The following PHLDB2 variants were observed in gnomAD, a reference collection of about 807,000 sequenced individuals.
The protein encoded by PHLDB2 is pleckstrin homology-like domain family B member 2.
A neutral mutation model predicts 123.6 loss-of-function variants in PHLDB2; 71 were observed. That is an observed-to-expected ratio of 0.57 (90% CI 0.47 to 0.70). The LOEUF (loss-of-function observed/expected upper bound fraction) is 0.70. Among genes scored for constraint, PHLDB2 ranks in the 30% least tolerant of loss-of-function variants. The probability of loss-of-function intolerance (pLI) is 0.00; values close to 1 mark genes in which losing one functional copy is unlikely to be tolerated. For missense variants in PHLDB2, 1,446 were observed against 1,519.5 expected (o/e 0.95, Z 0.80); for synonymous variants, 547 against 541.6 (o/e 1.01, Z -0.14).
At chr3:111,950,599 G>A (rs1362018135) in intron 10 of PHLDB2, among the ~76,000 whole-genome samples, 1 of 151,638 alleles carries the variant, frequency 6.6e-6, no homozygotes, top group East Asian at 1.9e-4. Context: ...TGATGCTTGG[G>A]TATTCAAAAA....
intron 1 of PHLDB2, among the ~76,000 whole-genome samples, chr3:111,799,136 A>AC (rs1200130395): frequency 6.6e-6 from 1 of 152,084 alleles, no homozygotes; most frequent in Non-Finnish European, 1.5e-5. Flanking sequence ...GGGGGAAACC[A>AC]CCCCCGTGAT....
chr3:111,780,187 G>T (rs1181092035), intron 1 of PHLDB2, among the ~76,000 whole-genome samples: 1 of 149,972 alleles, frequency 6.7e-6, no homozygotes, highest in Non-Finnish European at 1.5e-5. Context: ...TAAAGAGAAG[G>T]TTCGGCAATA....
chr3:111,791,055 T>C (rs189559061), intron 1 of PHLDB2, among the ~76,000 whole-genome samples: 1 of 152,360 alleles, frequency 6.6e-6, no homozygotes, highest in African/African-American at 2.4e-5. Context: ...TAATGTTTTA[T>C]TATTGTGTCA....
chr3:111,848,782 T>C (rs1480054694), intron 2 of PHLDB2, among the ~76,000 whole-genome samples: 3 of 152,212 alleles, frequency 2.0e-5, no homozygotes, highest in Admixed American at 1.3e-4. Context: ...CACCTTACCT[T>C]TTCTGTGTTG....
chr3:111,760,674 A>G (rs528002412), intron 1 of PHLDB2, among the ~76,000 whole-genome samples: 1 of 152,114 alleles, frequency 6.6e-6, no homozygotes, highest in Non-Finnish European at 1.5e-5. Context: ...TGCGATGTGT[A>G]TACAGTTTTT....
chr3:111,854,215 G>A (rs944625193), intron 2 of PHLDB2, among the ~76,000 whole-genome samples: 2 of 152,172 alleles, frequency 1.3e-5, no homozygotes, highest in Non-Finnish European at 1.5e-5. Flanking sequence ...GAACAGCATG[G>A]GGGAAACTGC....
chr3:111,768,146 C>A (rs1196488467), intron 1 of PHLDB2, among the ~76,000 whole-genome samples: 1 of 152,068 alleles, frequency 6.6e-6, no homozygotes, highest in East Asian at 1.9e-4. Context: ...TATTGTTTGC[C>A]CTGGCCATTG....
chr3:111,801,069 A>T (rs60722275), intron 1 of PHLDB2, among the ~76,000 whole-genome samples: 19 of 152,350 alleles, frequency 1.2e-4, no homozygotes, highest in African/African-American at 4.6e-4. Flanking sequence ...CTTGTTAAAC[A>T]ACATGAGCTG....
intron 13 of PHLDB2, among the ~76,000 whole-genome samples, chr3:111,963,185 G>A (rs2071525765): frequency 6.6e-6 from 1 of 152,062 alleles, no homozygotes; most frequent in Non-Finnish European, 1.5e-5. Context: ...ACTACCTACT[G>A]TCAGATCCCG....
At chr3:111,794,372 G>T (rs1447570303) in intron 1 of PHLDB2, among the ~76,000 whole-genome samples, 1 of 152,158 alleles carries the variant, frequency 6.6e-6, no homozygotes, top group Non-Finnish European at 1.5e-5. Context: ...CTGCGGAATA[G>T]AGGAGGGGTG....
rs560265895 is a variant in PHLDB2, at chr3:111,928,532, T to C, written c.2002-3737T>C. On this transcript the variant is annotated intron_variant, in intron 5 of 17. Transcript: ENST00000431670. The stretch of plus-strand genomic sequence containing the variant: ...TTCCACATTGTTCTAATGGGTTAAC[T>C]GGACTGTGCTACATGAGGACAGGAT... Among the ~76,000 whole-genome samples the C allele has an allele frequency of 2.0e-5, 3 of 152,348 alleles. No individual in the cohort carries two copies. In the South Asian group the frequency reaches 6.2e-4, roughly 32 times the overall value.
upstream of PHLDB2, among the ~76,000 whole-genome samples, chr3:111,857,658 G>A (rs975367604): frequency 6.6e-6 from 1 of 151,962 alleles, no homozygotes; most frequent in African/African-American, 2.4e-5. Context: ...ACAGGGAAAA[G>A]AATTCCTCTA....
intron 1 of PHLDB2, among the ~76,000 whole-genome samples, chr3:111,867,703 T>G (rs2065151353): frequency 6.6e-6 from 1 of 152,092 alleles, no homozygotes; most frequent in Admixed American, 6.5e-5. Flanking sequence ...TTTTTTAATT[T>G]TAATTTTTAT....
chr3:111,851,194 T>C (rs1296822368), intron 2 of PHLDB2, among the ~76,000 whole-genome samples: 5 of 103,658 alleles, frequency 4.8e-5, no homozygotes, highest in African/African-American at 1.8e-4. Flanking sequence ...GATTCTGTCT[T>C]AAAAAAAAAA....
At chr3:111,926,469 G>GGAA (rs2068817906) in intron 5 of PHLDB2, among the ~76,000 whole-genome samples, 1 of 152,140 alleles carries the variant, frequency 6.6e-6, no homozygotes, top group Non-Finnish European at 1.5e-5. Context: ...TTGGCTCCCT[G>GGAA]GTCAGAGGAA....
chr3:111,959,473 T>C (rs1380327445), intron 12 of PHLDB2, among the ~76,000 whole-genome samples: 1 of 152,226 alleles, frequency 6.6e-6, no homozygotes. Flanking sequence ...GCCTCATGCT[T>C]TTTCGTTTAA....
intron 1 of PHLDB2, among the ~76,000 whole-genome samples, chr3:111,810,576 G>A (rs1437152228): frequency 6.6e-6 from 1 of 151,980 alleles, no homozygotes; most frequent in African/African-American, 2.4e-5. Flanking sequence ...ATCAGATTAG[G>A]ACCCCATTCT....
intron 1 of PHLDB2, among the ~76,000 whole-genome samples, chr3:111,782,756 C>T (rs949577072): frequency 5.3e-5 from 8 of 152,120 alleles, no homozygotes; most frequent in Non-Finnish European, 8.8e-5. Flanking sequence ...ATGAAGGCAA[C>T]AACCCTCTCT....
At chr3:111,854,268 T>C (rs773425958), upstream of PHLDB2, among the ~76,000 whole-genome samples, 11 of 152,280 alleles carry the variant, frequency 7.2e-5, no homozygotes, top group Non-Finnish European at 1.3e-4. Context: ...CCCTTGACAC[T>C]TGGGGATTAT....
Sources: allele counts gnomAD v4.1 joint callset (sites outside exome capture counted in the v4.1 genomes callset), GRCh38; gene constraint gnomAD v4.1.1; transcripts MANE v1.5; gene names NCBI Gene and HGNC (gene_info 2026-07-23, HGNC 2026-07-21).